The following DMRT1 variants were observed in gnomAD, a reference collection of about 807,000 sequenced individuals.
DMRT1 encodes doublesex and mab-3 related transcription factor 1.
A neutral mutation model predicts 32.3 loss-of-function variants in DMRT1; 7 were observed. The observed-to-expected ratio is 0.22, with a 90% confidence interval of 0.12 to 0.41. DMRT1 has a LOEUF of 0.41. DMRT1 is among the 10% of genes least tolerant of loss of function. The pLI, the probability that DMRT1 is intolerant of heterozygous loss-of-function variation, is 1.00. For synonymous variants in DMRT1, 278 were observed against 206.1 expected, an observed-to-expected ratio of 1.35 and a Z score of -2.99; for missense variants, 625 against 500.5, an observed-to-expected ratio of 1.25 and a Z score of -2.37.
intron 2 of DMRT1, among the ~76,000 whole-genome samples, chr9:862,066 C>T (rs143534583): frequency 0.12 from 16,261 of 135,892 alleles, 103 homozygotes; most frequent in East Asian, 0.23. Flanking sequence ...GATGGGCGGC[C>T]AGGCAGAGAC....
At chr9:851,206 G>A (rs1175502575) in intron 2 of DMRT1, among the ~76,000 whole-genome samples, 1 of 152,020 alleles carries the variant, frequency 6.6e-6, no homozygotes, top group African/African-American at 2.4e-5. Flanking sequence ...TGTTTACTAG[G>A]TCAGTAGCTT....
intron 2 of DMRT1, among the ~76,000 whole-genome samples, chr9:885,574 T>G (rs1001571543): frequency 2.0e-5 from 3 of 152,222 alleles, no homozygotes; most frequent in Non-Finnish European, 2.9e-5. Flanking sequence ...GTTGAGCTGC[T>G]TGCCTTCTTC....
At chr9:922,380 C>G (rs1298139684) in intron 4 of DMRT1, among the ~76,000 whole-genome samples, 1 of 152,156 alleles carries the variant, frequency 6.6e-6, no homozygotes, top group African/African-American at 2.4e-5. Flanking sequence ...GTAACAGATG[C>G]AAGCTGTTCG....
At chr9:953,667 C>T (rs533157980) in intron 4 of DMRT1, among the ~76,000 whole-genome samples, 2 of 152,316 alleles carry the variant, frequency 1.3e-5, no homozygotes, top group African/African-American at 2.4e-5. Context: ...CCTTCCTTGA[C>T]GTGGGGCCAG....
chr9:870,565 C>T (rs774634397), intron 2 of DMRT1, among the ~76,000 whole-genome samples: 8 of 152,098 alleles, frequency 5.3e-5, no homozygotes, highest in Non-Finnish European at 1.2e-4. Context: ...GTAGTCTCTT[C>T]TCAGAAGGTT....
intron 3 of DMRT1, among the ~76,000 whole-genome samples, chr9:904,422 C>T (rs1377149067): frequency 6.6e-6 from 1 of 152,046 alleles, no homozygotes; most frequent in Non-Finnish European, 1.5e-5. Flanking sequence ...AGATGAAAAT[C>T]AAGGGAATGC....
intron 4 of DMRT1, among the ~76,000 whole-genome samples, chr9:921,703 A>G (rs1338433464): frequency 6.6e-6 from 1 of 152,154 alleles, no homozygotes; most frequent in African/African-American, 2.4e-5. Context: ...GTGAGACCCC[A>G]TCTCTACAAA....
chr9:872,794 C>A (rs569314091), intron 2 of DMRT1, among the ~76,000 whole-genome samples: 1 of 152,258 alleles, frequency 6.6e-6, no homozygotes, highest in East Asian at 1.9e-4. Flanking sequence ...TACTTCAAAG[C>A]GGACTTGGTG....
intron 2 of DMRT1, among the ~76,000 whole-genome samples, chr9:850,991 T>G (rs1839121563): frequency 7.2e-6 from 1 of 139,562 alleles, no homozygotes; most frequent in Non-Finnish European, 1.5e-5. Context: ...ATTGTGCCAT[T>G]GCACTCCGGC....
intron 4 of DMRT1, among the ~76,000 whole-genome samples, chr9:945,859 C>T (rs1819226188): frequency 6.6e-6 from 1 of 150,808 alleles, no homozygotes; most frequent in Non-Finnish European, 1.5e-5. Flanking sequence ...GTGTGTTGTT[C>T]CAGACCTTTT....
rs118151515 is a variant in DMRT1, at chr9:921,254, T to A, written c.967+4347T>A. Among the ~76,000 whole-genome samples the A allele has an allele frequency of 1.4e-4, 21 of 152,328 alleles. No homozygotes were observed. The East Asian group carries it at 3.3e-3, about 24-fold the overall frequency. ...TGGAATCTCATAATATGTAGCCTTTTGTGTCTTGCTTCGCTTAGCTTAAAT... is the reference window on the plus strand; with the variant it reads ...TGGAATCTCATAATATGTAGCCTTTAGTGTCTTGCTTCGCTTAGCTTAAAT... On this transcript the variant is annotated intron_variant, in intron 4 of 4. Transcript: ENST00000382276.
intron 2 of DMRT1, among the ~76,000 whole-genome samples, chr9:873,228 G>T (rs1326052243): frequency 5.9e-5 from 9 of 151,986 alleles, no homozygotes; most frequent in African/African-American, 1.9e-4. Context: ...TAGAGAAAAT[G>T]GTTATTCAAG....
At chr9:845,566 T>A (rs576964363) in intron 1 of DMRT1, among the ~76,000 whole-genome samples, 3 of 152,286 alleles carry the variant, frequency 2.0e-5, no homozygotes, top group Admixed American at 2.0e-4. Flanking sequence ...CTTGGGTATG[T>A]CAGGTCCTTT....
chr9:864,085 C>T (rs1245706039), intron 2 of DMRT1, among the ~76,000 whole-genome samples: 1 of 152,110 alleles, frequency 6.6e-6, no homozygotes, highest in Non-Finnish European at 1.5e-5. Context: ...AGCAGAGGAG[C>T]AGAGAAGCCT....
At chr9:858,029 T>C (rs1291108796) in intron 2 of DMRT1, among the ~76,000 whole-genome samples, 1 of 152,094 alleles carries the variant, frequency 6.6e-6, no homozygotes, top group Non-Finnish European at 1.5e-5. Context: ...TCTATTATTG[T>C]TGTACATTTG....
chr9:863,869 C>T (rs1292860568), intron 2 of DMRT1, among the ~76,000 whole-genome samples: 1 of 152,168 alleles, frequency 6.6e-6, no homozygotes, highest in African/African-American at 2.4e-5. Context: ...CATCTATGTC[C>T]TTTGCCCATT....
At chr9:903,940 T>C (rs995579942) in intron 3 of DMRT1, among the ~76,000 whole-genome samples, 10 of 152,234 alleles carry the variant, frequency 6.6e-5, no homozygotes, top group African/African-American at 2.4e-4. Context: ...GTGTAAGTCC[T>C]GGGCTGTCCT....
At chr9:872,123 T>C (rs1201585119) in intron 2 of DMRT1, among the ~76,000 whole-genome samples, 1 of 151,216 alleles carries the variant, frequency 6.6e-6, no homozygotes, top group African/African-American at 2.5e-5. Context: ...GTGCAGTGGC[T>C]TGATTTCGGC....
Position 954,843 on chromosome 9 carries a change from T to C in DMRT1, c.968-13142T>C, listed in dbSNP as rs545119787. On this transcript the variant is annotated intron_variant, in intron 4 of 4. Coordinates refer to ENST00000382276, the MANE Select transcript of DMRT1 (RefSeq NM_021951.3). ...TTTTAGTAGAGACAGGGTTTCACCA[T>C]GTTGGCCAGGCTGGTCTCGGACTCC... Among the ~76,000 whole-genome samples, 3 of 152,142 alleles carry C rather than the reference T, an allele frequency of 2.0e-5. No homozygotes were observed. The South Asian group carries it at 6.2e-4, about 32-fold the overall frequency.
Sources: gnomAD v4.1 joint callset for allele counts (sites outside exome capture counted in the v4.1 genomes callset) on GRCh38, gnomAD v4.1.1 for gene constraint, MANE v1.5 for transcripts, NCBI Gene and HGNC (gene_info 2026-07-23, HGNC 2026-07-21) for gene names.